The following CCDC39 variants were observed in gnomAD, a reference collection of about 807,000 sequenced individuals.
CCDC39 encodes the protein coiled-coil domain 39 molecular ruler complex subunit, also known as coiled-coil domain-containing protein 39.
In CCDC39, 113 loss-of-function variants were observed where a neutral mutation model predicts 121.0. The observed-to-expected ratio is 0.93, with a 90% confidence interval of 0.80 to 1.09. The LOEUF is 1.09. CCDC39 is among the 50% of genes least tolerant of loss of function. The probability of loss-of-function intolerance (pLI) is 0.00; values close to 1 mark genes in which losing one functional copy is unlikely to be tolerated. For synonymous variants in CCDC39, 349 were observed against 352.2 expected (o/e 0.99, Z 0.10); for missense variants, 1,063 against 1,074.7 (o/e 0.99, Z 0.15).
chr3:180,616,162 A>G (rs1412088943), intron 19 of CCDC39, 119 bp downstream of exon 19: 7 of 780,898 alleles, frequency 9.0e-6, no homozygotes, highest in East Asian at 5.3e-5. Flanking sequence ...GACAGTGAAA[A>G]GAACACTGGC....
At chr3:180,639,678 A>G (rs1399439892) in intron 13 of CCDC39, among the ~76,000 whole-genome samples, 2 of 152,122 alleles carry the variant, frequency 1.3e-5, no homozygotes, top group African/African-American at 2.4e-5. Context: ...CTTTGAGTAC[A>G]GTGTACACTG....
At chr3:180,632,936 T>G (rs1717734706) in intron 13 of CCDC39, among the ~76,000 whole-genome samples, 1 of 152,174 alleles carries the variant, frequency 6.6e-6, no homozygotes, top group Non-Finnish European at 1.5e-5. Context: ...ACCAAAAAAT[T>G]ACCACAGTTC....
Position 180,658,352 on chromosome 3 carries a change from T to C in CCDC39, c.738+1100A>G, listed in dbSNP as rs183927664. Among the ~76,000 whole-genome samples the C allele has an allele frequency of 2.9e-3, 445 of 151,350 alleles. 3 individuals carry two copies. The highest frequency in any genetic ancestry group is 4.9e-3 in the Non-Finnish European group (333 of 67,890). The stretch of plus-strand genomic sequence containing the variant: ...GGCTCATGTCTGTAATCCCAGCACT[T>C]TGGGAGGCTGAGGCAGGTGGATCAC... On this transcript the variant is annotated intron_variant, in intron 6 of 19. Coordinates refer to ENST00000476379, the MANE Select transcript of CCDC39 (RefSeq NM_181426.2).
At position 180,667,989 on chromosome 3, in the gene CCDC39, A is replaced by G. The variant is rs1253601364; in HGVS notation, c.91-4003T>C. Reference sequence around the variant, plus strand: ...CAGACACCAGACCAAATTGAGGACTAGCTAAAACAGGTTCAGGCGAAGGCA... The same window carrying G: ...CAGACACCAGACCAAATTGAGGACTGGCTAAAACAGGTTCAGGCGAAGGCA... On this transcript the variant is annotated intron_variant, in intron 1 of 19. Transcript: ENST00000476379. 2.6e-5 allele frequency among the ~76,000 whole-genome samples: 4 copies of G among 152,214 alleles called. No homozygotes were observed. In the East Asian group the frequency reaches 7.7e-4, roughly 29 times the overall value.
chr3:180,641,536 T>C (rs191070151), intron 13 of CCDC39, among the ~76,000 whole-genome samples: 2 of 152,116 alleles, frequency 1.3e-5, no homozygotes, highest in African/African-American at 4.8e-5. Flanking sequence ...AGAACAAGAT[T>C]GTTAAGCAGG....
chr3:180,671,210 CAAA>C (rs67323828), intron 1 of CCDC39, among the ~76,000 whole-genome samples: 193 of 78,352 alleles, frequency 2.5e-3, no homozygotes, highest in African/African-American at 7.1e-3. Context: ...GACTCTGTGT[CAAA>C]AAAAAAAAAA....
At chr3:180,639,223 G>T (rs1427424376) in intron 13 of CCDC39, among the ~76,000 whole-genome samples, 1 of 152,052 alleles carries the variant, frequency 6.6e-6, no homozygotes, top group Non-Finnish European at 1.5e-5. Context: ...AAAAATAAAA[G>T]AATTATATTT....
intron 12 of CCDC39, 73 bp downstream of exon 12, chr3:180,644,046 TA>T: frequency 9.0e-7 from 1 of 1,108,490 alleles, no homozygotes; most frequent in Admixed American, 2.8e-5. Context: ...TAATTTGCTA[TA>T]TTTTTTCATT....
chr3:180,637,439 T>G (rs1451281145), intron 13 of CCDC39, among the ~76,000 whole-genome samples: 2 of 152,174 alleles, frequency 1.3e-5, no homozygotes, highest in African/African-American at 4.8e-5. Context: ...CAGATGCTGG[T>G]GAGGTTGCAG....
At chr3:180,656,028 A>G (rs1711568952) in intron 6 of CCDC39, among the ~76,000 whole-genome samples, 2 of 152,234 alleles carry the variant, frequency 1.3e-5, no homozygotes, top group Non-Finnish European at 2.9e-5. Flanking sequence ...GCATGTATAC[A>G]TATTAGCATA....
At chr3:180,671,618 T>C (rs555154362) in intron 1 of CCDC39, among the ~76,000 whole-genome samples, 1 of 152,234 alleles carries the variant, frequency 6.6e-6, no homozygotes, top group South Asian at 2.1e-4. Flanking sequence ...ACAGGTGCAG[T>C]GGTGTGATCT....
chr3:180,667,553 G>A (rs1711917694), intron 1 of CCDC39, among the ~76,000 whole-genome samples: 1 of 152,194 alleles, frequency 6.6e-6, no homozygotes, highest in Non-Finnish European at 1.5e-5. Context: ...TATTGTGATT[G>A]TTTTGGGGTG....
intron 7 of CCDC39, among the ~76,000 whole-genome samples, chr3:180,653,675 T>G (rs1050676746): frequency 1.3e-5 from 2 of 152,164 alleles, no homozygotes; most frequent in African/African-American, 4.8e-5. Context: ...CAACATACTT[T>G]TTTATTTAAA....
At chr3:180,625,428 T>C (rs1717536600) in intron 14 of CCDC39, among the ~76,000 whole-genome samples, 1 of 152,024 alleles carries the variant, frequency 6.6e-6, no homozygotes, top group African/African-American at 2.4e-5. Flanking sequence ...TTTATATTGG[T>C]TTTCAGATTT....
chr3:180,629,345 C>T (rs1301581826), intron 14 of CCDC39, among the ~76,000 whole-genome samples: 1 of 152,158 alleles, frequency 6.6e-6, no homozygotes, highest in African/African-American at 2.4e-5. Flanking sequence ...TTTCTACTGG[C>T]CAAAATTCAT....
At chr3:180,633,437 T>C (rs1717747184) in intron 13 of CCDC39, among the ~76,000 whole-genome samples, 1 of 152,200 alleles carries the variant, frequency 6.6e-6, no homozygotes, top group South Asian at 2.1e-4. Flanking sequence ...GATGGGCTGC[T>C]ATGAAAATAA....
At chr3:180,648,102 G>A (rs750445143) in intron 10 of CCDC39, 63 bp downstream of exon 10, 51 of 1,303,078 alleles carry the variant, frequency 3.9e-5, no homozygotes, top group Middle Eastern at 2.5e-4. Flanking sequence ...AGAACATGGC[G>A]TATCTTGACC....
At chr3:180,654,669 GTTTC>G (rs1711540721) in intron 7 of CCDC39, 89 bp downstream of exon 7, 2 of 652,998 alleles carry the variant, frequency 3.1e-6, no homozygotes, top group Non-Finnish European at 4.5e-6. Flanking sequence ...ACTAGAAGTA[GTTTC>G]TTTATCACAG....
intron 7 of CCDC39, 103 bp downstream of exon 7, chr3:180,654,659 A>AC: frequency 1.4e-6 from 1 of 717,994 alleles, no homozygotes; most frequent in Non-Finnish European, 2.0e-6. Context: ...AAAAAAAAAA[A>AC]CTAGAAGTAG....
Sources: allele counts gnomAD v4.1 joint callset (sites outside exome capture counted in the v4.1 genomes callset), GRCh38; gene constraint gnomAD v4.1.1; transcripts MANE v1.5; gene names NCBI Gene and HGNC (gene_info 2026-07-23, HGNC 2026-07-21).